The following FKBP1A variants were observed in gnomAD, a reference collection of about 807,000 sequenced individuals.
FKBP1A encodes peptidyl-prolyl cis-trans isomerase FKBP1A.
FKBP1A carries 5 observed loss-of-function variants against 14.2 expected under a neutral mutation model. The ratio of observed to expected loss-of-function variants is 0.35; its 90% confidence interval spans 0.18 to 0.74. FKBP1A has a LOEUF of 0.74. Ranked by LOEUF, FKBP1A falls within the 30% of genes least tolerant of loss-of-function variation. The pLI is 0.56. For synonymous variants in FKBP1A, 42 were observed against 49.1 expected, an observed-to-expected ratio of 0.86 and a Z score of 0.60; for missense variants, 53 against 138.8, an observed-to-expected ratio of 0.38 and a Z score of 3.10.
rs1201018876 is a variant in FKBP1A at position 1,369,297 on chromosome 20, G to C, written c.*812C>G. The C allele has an allele frequency of 6.0e-6, 1 of 166,100 alleles. No homozygotes were observed. The highest frequency in any genetic ancestry group is 1.5e-5 in the Non-Finnish European group (1 of 67,982). The allele number at this position is 166,100 out of a possible 1,614,324, so 10.3% of individuals were successfully genotyped here. A position where few individuals can be genotyped will look rare whatever the true frequency, so the allele number is the denominator to read the frequency against. On this transcript the variant is annotated 3_prime_UTR_variant, in exon 5 of 5. Transcript: ENST00000400137. Reference sequence around the variant, plus strand: ...CCTTCAATTGAAACTGTCAATTAAAGTTCTTAAGATTTAGGAAGTGGTGGA... The same window carrying C: ...CCTTCAATTGAAACTGTCAATTAAACTTCTTAAGATTTAGGAAGTGGTGGA...
intron 4 of FKBP1A, 144 bp from the exon 5 acceptor site, chr20:1,370,216 G>A (rs1365310639): frequency 1.4e-6 from 2 of 1,410,374 alleles, no homozygotes; most frequent in East Asian, 2.6e-5. Flanking sequence ...GTTCCAGCTG[G>A]AGACAGCCAG....
At chr20:1,391,807 T>C (rs1354491378) in intron 2 of FKBP1A, 2 of 388,674 alleles carry the variant, frequency 5.1e-6, no homozygotes, top group Admixed American at 4.5e-5. Flanking sequence ...GGTGGGAAGG[T>C]TGAGAAAGGG....
chr20:1,387,770 A>G (rs1477148301), intron 2 of FKBP1A, among the ~76,000 whole-genome samples: 1 of 152,122 alleles, frequency 6.6e-6, no homozygotes, highest in Non-Finnish European at 1.5e-5. Context: ...GGAGTCTGGG[A>G]GGTCGAGGCT....
chr20:1,390,367 G>C (rs997756233), intron 2 of FKBP1A, among the ~76,000 whole-genome samples: 1 of 146,128 alleles, frequency 6.8e-6, no homozygotes, highest in Non-Finnish European at 1.5e-5. Context: ...GAGGGGGGAG[G>C]GGGGACGGGG....
chr20:1,387,430 A>G (rs1299332750), intron 2 of FKBP1A, among the ~76,000 whole-genome samples: 3 of 152,224 alleles, frequency 2.0e-5, no homozygotes, highest in Non-Finnish European at 2.9e-5. Flanking sequence ...ATTGATCTTA[A>G]GGCCCTGACA....
chr20:1,384,065 C>T lies in FKBP1A; in HGVS notation c.86-8462G>A, dbSNP rs572657478. Among the ~76,000 whole-genome samples, 51 of 152,258 alleles carry T rather than the reference C, an allele frequency of 3.3e-4. 1 individual carries two copies. The highest frequency in any genetic ancestry group is 6.9e-4 in the Non-Finnish European group (47 of 68,010). ...GGAGACTCATAAAACTCACAGCCTT[C>T]GTACCCCAGCATAGTGAAGAGCACT... On this transcript the variant is annotated intron_variant, in intron 2 of 4. Transcript: ENST00000400137.
chr20:1,385,878 T>C (rs1600338152), intron 2 of FKBP1A, among the ~76,000 whole-genome samples: 1 of 152,272 alleles, frequency 6.6e-6, no homozygotes, highest in South Asian at 2.1e-4. Context: ...CTTCAAGTCT[T>C]TGCTCAAATG....
In FKBP1A at chr20:1,375,266, T is replaced by C. The variant is rs2089525104; in HGVS notation, c.198+225A>G. 1.0e-5 allele frequency: 6 copies of C among 588,126 alleles called. No individual in the cohort carries two copies. In the South Asian group the frequency reaches 1.1e-4, roughly 11 times the overall value. The allele number at this position is 588,126 out of a possible 1,614,324, so 36.4% of individuals were successfully genotyped here. A position where few individuals can be genotyped will look rare whatever the true frequency, so the allele number is the denominator to read the frequency against. On this transcript the variant is annotated intron_variant, in intron 3 of 4. Coordinates refer to ENST00000400137, the MANE Select transcript of FKBP1A (RefSeq NM_000801.5). ...AGTGAAAAAGTAAACTGCAAAACAGTATGTGTGTGAAAGCAAGAAAAAAGT... is the reference window on the plus strand; with the variant it reads ...AGTGAAAAAGTAAACTGCAAAACAGCATGTGTGTGAAAGCAAGAAAAAAGT...
At chr20:1,375,424 T>A (rs541423172) in intron 3 of FKBP1A, 67 bp downstream of exon 3, 2 of 1,142,948 alleles carry the variant, frequency 1.7e-6, no homozygotes, top group Non-Finnish European at 2.6e-6. Flanking sequence ...CGTATAAATA[T>A]GCCACCTATA....
rs1438402462 is a variant in FKBP1A, at chr20:1,383,789, AC to A, written c.86-8187del. 3.3e-5 allele frequency among the ~76,000 whole-genome samples: 5 copies of A among 150,590 alleles called. No individual in the cohort carries two copies. In the South Asian group the frequency reaches 6.3e-4, roughly 19 times the overall value. On this transcript the variant is annotated intron_variant, in intron 2 of 4. Transcript: ENST00000400137. Reference sequence around the variant, plus strand: ...AGGTTTGAGGTTGCAGTGAGCTATGACCGCACAAGTACACTCCAGACTGGGC... The same window carrying A: ...AGGTTTGAGGTTGCAGTGAGCTATGACGCACAAGTACACTCCAGACTGGGC...
chr20:1,369,889 T>A lies in FKBP1A; in HGVS notation c.*220A>T. On this transcript the variant is annotated 3_prime_UTR_variant, in exon 5 of 5. Coordinates refer to ENST00000400137, the MANE Select transcript of FKBP1A (RefSeq NM_000801.5). ...ATAACTTGAGGTTTATGGCATATAGTTTAGGTAAACACACATACGAGGAGA... is the reference window on the plus strand; with the variant it reads ...ATAACTTGAGGTTTATGGCATATAGATTAGGTAAACACACATACGAGGAGA... 1.2e-6 allele frequency: 1 copy of A among 837,632 alleles called. No homozygotes were observed. The highest frequency in any genetic ancestry group is 1.8e-6 in the Non-Finnish European group (1 of 554,400). The allele number at this position is 837,632 out of a possible 1,614,324, so 51.9% of individuals were successfully genotyped here. A position where few individuals can be genotyped will look rare whatever the true frequency, so the allele number is the denominator to read the frequency against.
chr20:1,379,091 T>TA lies in FKBP1A; in HGVS notation c.86-3489dup, dbSNP rs1284055127. Among the ~76,000 whole-genome samples the TA allele has an allele frequency of 6.6e-6, 1 of 152,200 alleles. No individual in the cohort carries two copies. Among genetic ancestry groups the TA allele is most frequent in the African/African-American group, 2.4e-5 (1 of 41,448 alleles). ...CAATTTGGAAAGTACGGTATACCTATAAAAAATTAGCCTTATTTCTTGCCA... is the reference window on the plus strand; with the variant it reads ...CAATTTGGAAAGTACGGTATACCTATAAAAAAATTAGCCTTATTTCTTGCCA... On this transcript the variant is annotated intron_variant, in intron 2 of 4. Transcript: ENST00000400137. This position sits in a 1 kb window ranked among gnomAD's most constrained non-coding sequence, Gnocchi z 4.3.
At chr20:1,375,644 A>G (rs1173280342) in intron 2 of FKBP1A, 41 bp from the exon 3 acceptor site, 1 of 1,402,272 alleles carries the variant, frequency 7.1e-7, no homozygotes, top group Admixed American at 1.7e-5. Flanking sequence ...CAGAGTAATG[A>G]CACAAGACAA....
chr20:1,372,745 A>G (rs1286173646), intron 3 of FKBP1A, among the ~76,000 whole-genome samples: 1 of 152,194 alleles, frequency 6.6e-6, no homozygotes, highest in African/African-American at 2.4e-5. Flanking sequence ...AAAACTTCAA[A>G]AAAGACAATA....
In FKBP1A at chr20:1,370,070, G is replaced by A; in HGVS notation, c.*39C>T. On this transcript the variant is annotated splice_region_variant and 3_prime_UTR_variant, in exon 5 of 5. Transcript: ENST00000400137. ...GGAGGCACCAGATCCCTCCATGGCA[G>A]ATCTGTTGGGGACAGAAAATCTGTG... The A allele has an allele frequency of 6.5e-7, 1 of 1,548,702 alleles. No homozygotes were observed. The highest frequency in any genetic ancestry group is 1.2e-5 in the South Asian group (1 of 84,038).
At chr20:1,390,517 G>C (rs1245602958) in intron 2 of FKBP1A, among the ~76,000 whole-genome samples, 1 of 152,166 alleles carries the variant, frequency 6.6e-6, no homozygotes. Flanking sequence ...ATGAGAACTA[G>C]AGGCATCATG....
At chr20:1,370,128 G>C (rs931726108) in intron 4 of FKBP1A, 56 bp from the exon 5 acceptor site, 41 of 1,534,108 alleles carry the variant, frequency 2.7e-5, no homozygotes, top group Non-Finnish European at 3.2e-5. Flanking sequence ...TTTGTGTGCA[G>C]TGGCGACAGC....
intron 2 of FKBP1A, among the ~76,000 whole-genome samples, chr20:1,392,614 C>A (rs2089752878): frequency 6.6e-6 from 1 of 152,098 alleles, no homozygotes; most frequent in East Asian, 1.9e-4. Context: ...TAACACCTAG[C>A]CCGCAGCCGA....
At chr20:1,371,381 G>C (rs1305083602) in intron 4 of FKBP1A, among the ~76,000 whole-genome samples, 1 of 152,180 alleles carries the variant, frequency 6.6e-6, no homozygotes, top group Admixed American at 6.5e-5. Context: ...CTCTGGCCCT[G>C]TTTCCTTACT....
Sources: allele counts gnomAD v4.1 joint callset (sites outside exome capture counted in the v4.1 genomes callset), GRCh38; gene constraint gnomAD v4.1.1; non-coding constraint Gnocchi (gnomAD v3.1); transcripts MANE v1.5; gene names NCBI Gene and HGNC (gene_info 2026-07-23, HGNC 2026-07-21).